Variants in CNTN4 observed in about 807,000 individuals in gnomAD.
The protein encoded by CNTN4 is contactin-4.
Under a neutral mutation model 122.5 loss-of-function variants are expected in CNTN4, and 77 were observed. The observed-to-expected ratio is 0.63, with a 90% CI of 0.52 to 0.76. The LOEUF is 0.76. Among genes scored for constraint, CNTN4 ranks in the 30% least tolerant of loss-of-function variants. CNTN4 has a pLI of 0.00. For missense variants in CNTN4, 1,256 were observed against 1,259.1 expected (o/e 1.00, Z 0.04); for synonymous variants, 512 against 447.0 (o/e 1.15, Z -1.83).
rs774098642 is a variant in CNTN4, at chr3:2,244,272, A to T, written c.-144-94906A>T. ...GTGTGTCTCTCTGTCATCTCAAAAT[A>T]TCTTATTATACTGTACTCACCTATT... is the stretch of plus-strand genomic sequence containing the variant. On this transcript the variant is annotated intron_variant, in intron 2 of 24. Coordinates refer to ENST00000418658, the MANE Select transcript of CNTN4 (RefSeq NM_175607.3). 3.3e-5 allele frequency among the ~76,000 whole-genome samples: 5 copies of T among 152,120 alleles called. No individual in the cohort carries two copies. In the East Asian group the frequency reaches 9.6e-4, roughly 29 times the overall value.
At chr3:2,386,505 T>C (rs1502567) in intron 3 of CNTN4, among the ~76,000 whole-genome samples, 63,558 of 152,078 alleles carry the variant, frequency 0.42, 13,597 homozygotes, top group East Asian at 0.69. Context: ...GTTTGCAATA[T>C]GTGTTTACAT....
At chr3:2,424,812 G>C (rs1014446890) in intron 3 of CNTN4, among the ~76,000 whole-genome samples, 4 of 152,130 alleles carry the variant, frequency 2.6e-5, no homozygotes, top group Non-Finnish European at 5.9e-5. Context: ...TTCTCTGATG[G>C]CCAGTGATGG....
At chr3:2,948,203 T>TG (rs1388113258) in intron 13 of CNTN4, among the ~76,000 whole-genome samples, 1 of 152,220 alleles carries the variant, frequency 6.6e-6, no homozygotes, top group Admixed American at 6.5e-5. Flanking sequence ...TAGGAAGGTT[T>TG]GTTCTCTTTG....
intron 14 of CNTN4, among the ~76,000 whole-genome samples, chr3:3,019,745 GGTGT>G (rs202036131): frequency 1.4e-5 from 2 of 141,976 alleles, no homozygotes; most frequent in South Asian, 2.3e-4. Flanking sequence ...AGGGAGAAGG[GGTGT>G]GTGTGTGTGT....
At chr3:2,616,919 G>GGGAAAACTGGCTAGCCATACGC (rs2081770158) in intron 4 of CNTN4, among the ~76,000 whole-genome samples, 1 of 152,094 alleles carries the variant, frequency 6.6e-6, no homozygotes, top group Non-Finnish European at 1.5e-5. Flanking sequence ...AAATGGTGCT[G>GGGAAAACTGGCTAGCCATACGC]GGAAAACTGG....
chr3:2,162,257 A>C (rs967971578), intron 2 of CNTN4, among the ~76,000 whole-genome samples: 2 of 152,310 alleles, frequency 1.3e-5, no homozygotes, highest in South Asian at 2.1e-4. Context: ...TCCAGAATCA[A>C]ATAGTTTTTA....
chr3:2,864,740 CAA>C (rs56398439), intron 7 of CNTN4, among the ~76,000 whole-genome samples: 2 of 54,684 alleles, frequency 3.7e-5, no homozygotes, highest in Non-Finnish European at 6.7e-5. Flanking sequence ...AACTCCATCT[CAA>C]AAAAAAAAAA....
chr3:2,605,708 T>C (rs372003240), intron 4 of CNTN4, among the ~76,000 whole-genome samples: 1 of 152,182 alleles, frequency 6.6e-6, no homozygotes, highest in Non-Finnish European at 1.5e-5. Flanking sequence ...ATGAGAGATA[T>C]GAGTTTACCA....
chr3:2,848,733 A>C (rs994146442), intron 7 of CNTN4, among the ~76,000 whole-genome samples: 18 of 152,200 alleles, frequency 1.2e-4, no homozygotes, highest in African/African-American at 4.3e-4. Context: ...AAAATGCTTC[A>C]TTTCCAGTAA....
At chr3:2,839,360 A>C (rs1444575354) in intron 7 of CNTN4, among the ~76,000 whole-genome samples, 1 of 152,170 alleles carries the variant, frequency 6.6e-6, no homozygotes, top group South Asian at 2.1e-4. Context: ...CGGGGGCAGG[A>C]AAGAGAAAAT....
chr3:2,782,437 AC>A (rs1361043025), intron 6 of CNTN4, among the ~76,000 whole-genome samples: 57 of 151,090 alleles, frequency 3.8e-4, no homozygotes, highest in Admixed American at 9.9e-4. Flanking sequence ...TGTAATACAT[AC>A]CCATAACTGA....
rs115592868 is a variant in CNTN4 at position 2,905,481 on chromosome 3, T to C, written c.1207+2476T>C. Among the ~76,000 whole-genome samples, 1,308 of 152,264 alleles carry C rather than the reference T, an allele frequency of 8.6e-3. 19 individuals are homozygous for C. The highest frequency in any genetic ancestry group is 0.03 in the African/African-American group (1,248 of 41,556). On this transcript the variant is annotated intron_variant, in intron 12 of 24. Coordinates refer to ENST00000418658, the MANE Select transcript of CNTN4 (RefSeq NM_175607.3). ...CTCTTTTATAAGGGCACTAATCCCA[T>C]TCATAAGGTGCTTCACCCTTATGAA...
chr3:2,555,739 G>T (rs901653884), intron 3 of CNTN4, among the ~76,000 whole-genome samples: 1 of 152,164 alleles, frequency 6.6e-6, no homozygotes, highest in Non-Finnish European at 1.5e-5. Flanking sequence ...CTGCAGAGAT[G>T]GGTGAGAGTT....
intron 2 of CNTN4, among the ~76,000 whole-genome samples, chr3:2,156,140 G>A (rs879409720): frequency 6.6e-6 from 1 of 152,046 alleles, no homozygotes; most frequent in Non-Finnish European, 1.5e-5. Flanking sequence ...AAAAATGCTT[G>A]GTATCTTTGA....
intron 12 of CNTN4, among the ~76,000 whole-genome samples, chr3:2,917,167 G>C (rs1446850033): frequency 6.7e-6 from 1 of 149,710 alleles, no homozygotes; most frequent in Non-Finnish European, 1.5e-5. Flanking sequence ...CAGGCGTGGC[G>C]GCGCGCGCCT....
At chr3:3,007,328 G>A (rs1365993794) in intron 14 of CNTN4, among the ~76,000 whole-genome samples, 1 of 152,154 alleles carries the variant, frequency 6.6e-6, no homozygotes, top group African/African-American at 2.4e-5. Flanking sequence ...TGAGTAACTT[G>A]TACTTTATCA....
rs534983945 is a variant in CNTN4, at chr3:3,031,998, T to C, written c.1783+1023T>C. ...GTGTTGCTGTATCCTCTAGGCATAA[T>C]GTAAGGGGGGAAATGTGTGGGAGTT... is the stretch of plus-strand genomic sequence containing the variant. On this transcript the variant is annotated intron_variant, in intron 16 of 24. Transcript: ENST00000418658. Among the ~76,000 whole-genome samples, 6 of 152,192 alleles carry C rather than the reference T, an allele frequency of 3.9e-5. No homozygotes were observed. The South Asian group carries it at 1.2e-3, about 32-fold the overall frequency.
intron 2 of CNTN4, among the ~76,000 whole-genome samples, chr3:2,128,377 T>G (rs1225501612): frequency 6.6e-6 from 1 of 152,184 alleles, no homozygotes; most frequent in Non-Finnish European, 1.5e-5. Context: ...AAATTTAACA[T>G]TTACAGAAAC....
chr3:2,527,766 T>G (rs983639324), intron 3 of CNTN4, among the ~76,000 whole-genome samples: 1 of 152,178 alleles, frequency 6.6e-6, no homozygotes, highest in Admixed American at 6.5e-5. Context: ...TGCCCCTAGA[T>G]GTCTTTCAGC....
Sources: gnomAD v4.1 joint callset for allele counts (sites outside exome capture counted in the v4.1 genomes callset) on GRCh38, gnomAD v4.1.1 for gene constraint, MANE v1.5 for transcripts, NCBI Gene and HGNC (gene_info 2026-07-23, HGNC 2026-07-21) for gene names.